COQ8A: variants seen among roughly 807,000 people sequenced by gnomAD.
COQ8A encodes the protein atypical kinase COQ8A, mitochondrial.
In COQ8A, 51 loss-of-function variants were observed where a neutral mutation model predicts 65.0. The observed-to-expected ratio is 0.78, with a 90% CI of 0.63 to 0.99. The LOEUF (loss-of-function observed/expected upper bound fraction) is 0.99, where lower values mean the gene tolerates loss of function less well. Among genes scored for constraint, COQ8A ranks in the 50% least tolerant of loss-of-function variants. The pLI is 0.00. For synonymous variants in COQ8A, 371 were observed against 353.2 expected, an observed-to-expected ratio of 1.05 and a Z score of -0.57; for missense variants, 940 against 875.0, an observed-to-expected ratio of 1.07 and a Z score of -0.94.
intron 4 of COQ8A, among the ~76,000 whole-genome samples, chr1:226,976,373 T>G (rs1383794168): frequency 1.3e-5 from 2 of 150,222 alleles, no homozygotes; most frequent in African/African-American, 4.9e-5. Context: ...GTTGCCTGGC[T>G]GCGGGGCTGT....
intron 2 of COQ8A, among the ~76,000 whole-genome samples, chr1:226,964,558 G>C (rs1253120066): frequency 6.6e-6 from 1 of 152,200 alleles, no homozygotes; most frequent in African/African-American, 2.4e-5. Context: ...AGTAAGCTGT[G>C]GGCTTAGGTG....
chr1:226,983,057 C>G, intron 8 of COQ8A, 23 bp downstream of exon 8: 1 of 1,569,950 alleles, frequency 6.4e-7, no homozygotes, highest in Non-Finnish European at 8.6e-7. Context: ...ATGCGCAGTG[C>G]CTGTCCCTAT....
rs1656605713 is a variant in COQ8A, at chr1:226,940,306, A to C, written c.-103A>C. On this transcript the variant is annotated 5_prime_UTR_variant, in exon 1 of 15. Transcript: ENST00000366777. ...CGGGCGAGTTGGTAAACAGATCCGG[A>C]GCGCGTGGCGGGCGTCAGCGCGGTG... 6.6e-6 allele frequency: 1 copy of C among 152,226 alleles called. No homozygotes were observed. The highest frequency in any genetic ancestry group is 2.4e-5 in the African/African-American group (1 of 41,352). The allele number at this position is 152,226 out of a possible 1,614,324, so 9.4% of individuals were successfully genotyped here. A position where few individuals can be genotyped will look rare whatever the true frequency, so the allele number is the denominator to read the frequency against.
At chr1:226,964,730 C>T (rs1297631637) in intron 2 of COQ8A, among the ~76,000 whole-genome samples, 2 of 152,246 alleles carry the variant, frequency 1.3e-5, no homozygotes, top group African/African-American at 4.8e-5. Context: ...GCGTAGTGTG[C>T]ACTTGGCCTG....
rs778798354 is a variant in COQ8A at position 226,982,734 on chromosome 1, G to A, written c.910G>A (p.Ala304Thr). Reference protein sequence around the residue: ...AKIFERVRQSADFMPLKQMMK... With the variant: ...AKIFERVRQSTDFMPLKQMMK... ...GATCTTCGAGCGGGTGCGGCAGAGC[G>A]CGGACTTCATGCCACTGAAGCAGAT... The change falls in exon 7 of 15, where the codon GCG becomes ACG. Residue 304 changes from alanine (A) to threonine (T), a missense_variant. By Grantham distance (58) the Ala-to-Thr change is moderately conservative. Transcript: ENST00000366777. The A allele has an allele frequency of 1.1e-5, 17 of 1,613,588 alleles. No homozygotes were observed. Among genetic ancestry groups the A allele is most frequent in the South Asian group, 2.2e-5 (2 of 91,086 alleles).
chr1:226,977,644 C>T (rs1659322279), intron 5 of COQ8A, 121 bp downstream of exon 5: 3 of 1,112,516 alleles, frequency 2.7e-6, no homozygotes, highest in Non-Finnish European at 3.9e-6. Flanking sequence ...GCATGGGGTT[C>T]CACGTAAGTG....
At chr1:226,965,856 C>T (rs552129296) in intron 4 of COQ8A, 119 bp downstream of exon 4, 114 of 1,066,814 alleles carry the variant, frequency 1.1e-4, no homozygotes, top group Non-Finnish European at 1.5e-4. Context: ...GAGCAGGTGG[C>T]GGTGGCCGCC....
intron 7 of COQ8A, 27 bp downstream of exon 7, chr1:226,982,790 C>G (rs768092460): frequency 1.9e-6 from 3 of 1,613,254 alleles, no homozygotes; most frequent in Non-Finnish European, 1.7e-6. Context: ...TCTGCCCACT[C>G]TCTGTGGCCT....
At chr1:226,982,416 C>T in intron 6 of COQ8A, 1 of 645,094 alleles carries the variant, frequency 1.6e-6, no homozygotes, top group Admixed American at 2.9e-5. Flanking sequence ...GTTTTATTTT[C>T]CAAATTTCTT....
chr1:226,949,878 C>T lies in COQ8A; in HGVS notation c.-10+9479C>T, dbSNP rs1351562893. ...GAGGAAACTGAGGCACAAAGATAAGCTCACATGACTTGATTTAGGTCACAC... is the reference window on the plus strand; with the variant it reads ...GAGGAAACTGAGGCACAAAGATAAGTTCACATGACTTGATTTAGGTCACAC... On this transcript the variant is annotated intron_variant, in intron 1 of 14. Coordinates refer to ENST00000366777, the MANE Select transcript of COQ8A (RefSeq NM_020247.5). This position sits in a 1 kb window ranked among gnomAD's most constrained non-coding sequence, Gnocchi z 4.0. Among the ~76,000 whole-genome samples the T allele has an allele frequency of 6.6e-6, 1 of 152,218 alleles. No homozygotes were observed. Among genetic ancestry groups the T allele is most frequent in the Non-Finnish European group, 1.5e-5 (1 of 68,042 alleles).
intron 1 of COQ8A, among the ~76,000 whole-genome samples, chr1:226,944,986 C>T (rs890388120): frequency 1.3e-5 from 2 of 152,126 alleles, no homozygotes; most frequent in African/African-American, 4.8e-5. Flanking sequence ...TGGTCTGCCT[C>T]TTACCTCTCA....
intron 1 of COQ8A, among the ~76,000 whole-genome samples, chr1:226,944,769 GAGAGAGAGTGAGA>G (rs1656923933): frequency 9.3e-6 from 1 of 107,574 alleles, no homozygotes; most frequent in Non-Finnish European, 1.9e-5. Context: ...GAGAGTGAGA[GAGAGAGAGTGAGA>G]GAGAGAGAGT....
chr1:226,977,281 C>T, intron 4 of COQ8A, 168 bp from the exon 5 acceptor site: 1 of 614,658 alleles, frequency 1.6e-6, no homozygotes, highest in Non-Finnish European at 2.9e-6. Context: ...CTTAAAACAA[C>T]AGGTGGCATC....
chr1:226,983,049 GCGCA>G lies in COQ8A; in HGVS notation c.1080+16_1080+19del. 1 of 1,574,408 alleles carries G rather than the reference GCGCA, an allele frequency of 6.4e-7. No individual in the cohort carries two copies. The highest frequency in any genetic ancestry group is 8.6e-7 in the Non-Finnish European group (1 of 1,161,360). ...TGAAGATCCAGGTAGGCGGCCTGAT[GCGCA>G]GTGCCTGTCCCTATGGGGGCTGCAA... On this transcript the variant is annotated intron_variant, in intron 8 of 14. Transcript: ENST00000366777.
intron 4 of COQ8A, 106 bp downstream of exon 4, chr1:226,965,843 G>C: frequency 2.3e-6 from 3 of 1,302,008 alleles, no homozygotes; most frequent in Non-Finnish European, 1.1e-6. Context: ...GAGGGCGTTG[G>C]GGGAGCAGGT....
intron 1 of COQ8A, among the ~76,000 whole-genome samples, chr1:226,957,742 T>C (rs550010278): frequency 2.0e-5 from 3 of 152,338 alleles, no homozygotes; most frequent in African/African-American, 7.2e-5. Context: ...CCTATTGATA[T>C]ATCTTCTTGT....
In COQ8A at chr1:226,961,359, T is replaced by C; in HGVS notation, c.-9-18T>C. ...CAGAGGCCTGGGGCCTCCCCTGACTTGGCCTCCTCTCTTCCAGCCCTGAAG... is the reference window on the plus strand; with the variant it reads ...CAGAGGCCTGGGGCCTCCCCTGACTCGGCCTCCTCTCTTCCAGCCCTGAAG... On this transcript the variant is annotated intron_variant, in intron 1 of 14. Coordinates refer to ENST00000366777, the MANE Select transcript of COQ8A (RefSeq NM_020247.5). 1 of 1,613,214 alleles carries C rather than the reference T, an allele frequency of 6.2e-7. No homozygotes were observed. The highest frequency in any genetic ancestry group is 8.5e-7 in the Non-Finnish European group (1 of 1,179,966).
intron 12 of COQ8A, 109 bp from the exon 13 acceptor site, chr1:226,984,767 C>T (rs1449593546): frequency 2.7e-6 from 4 of 1,488,988 alleles, no homozygotes; most frequent in Non-Finnish European, 3.7e-6. Flanking sequence ...GAGCTCAGGG[C>T]TCTGGGAGTG....
chr1:226,983,811 G>A lies in COQ8A; in HGVS notation c.1213G>A (p.Glu405Lys). The A allele has an allele frequency of 6.2e-7, 1 of 1,612,430 alleles. No homozygotes were observed. Among genetic ancestry groups the A allele is most frequent in the Non-Finnish European group, 8.5e-7 (1 of 1,179,992 alleles). The stretch of plus-strand genomic sequence containing the variant: ...CGTGCTGAGGCGGGAGCTGGCCCTG[G>A]AGTGTGACTACCAGCGAGAGGCCGC... Reference protein sequence around the residue: ...IDVLRRELALECDYQREAACA... With the variant: ...IDVLRRELALKCDYQREAACA... Residue 405 changes from glutamate to lysine, a missense_variant, in exon 10 of 15, where the codon GAG becomes AAG. By Grantham distance (56) the Glu-to-Lys change is moderately conservative. Coordinates refer to ENST00000366777, the MANE Select transcript of COQ8A (RefSeq NM_020247.5).
Sources: allele counts gnomAD v4.1 joint callset (sites outside exome capture counted in the v4.1 genomes callset), GRCh38; gene constraint gnomAD v4.1.1; non-coding constraint Gnocchi (gnomAD v3.1); transcripts MANE v1.5; gene names NCBI Gene and HGNC (gene_info 2026-07-23, HGNC 2026-07-21).